The following DESI1 variants were observed in gnomAD, a reference collection of about 807,000 sequenced individuals.
DESI1 encodes PPPDE peptidase domain containing 2.
A neutral mutation model predicts 22.4 loss-of-function variants in DESI1; 17 were observed. The observed-to-expected ratio is 0.76, with a 90% CI of 0.52 to 1.14. DESI1 has a LOEUF of 1.14. Ranked by LOEUF, DESI1 falls within the 50% of genes most tolerant of loss-of-function variation. DESI1 has a pLI of 0.00. For synonymous variants in DESI1, 92 were observed against 84.2 expected (o/e 1.09, Z -0.51); for missense variants, 177 against 208.9 (o/e 0.85, Z 0.94).
intron 4 of DESI1, 100 bp downstream of exon 4, chr22:41,603,944 G>T: frequency 1.9e-6 from 2 of 1,067,906 alleles, no homozygotes; most frequent in Non-Finnish European, 1.4e-6. Flanking sequence ...CAGGCCTTGT[G>T]CTGAGTGATA....
intron 3 of DESI1, among the ~76,000 whole-genome samples, 153 bp downstream of exon 3, chr22:41,607,109 G>A (rs2067487591): frequency 6.6e-6 from 1 of 152,168 alleles, no homozygotes. Context: ...GAGAGGAACT[G>A]GCTGGGGTGT....
chr22:41,600,892 A>G lies in DESI1; in HGVS notation c.*205T>C, dbSNP rs927235710. 1.8e-6 allele frequency: 1 copy of G among 569,020 alleles called. No homozygotes were observed. Among genetic ancestry groups the G allele is most frequent in the Non-Finnish European group, 3.2e-6 (1 of 316,798 alleles). 35.2% of individuals were successfully genotyped at this position (569,020 alleles called of 1,614,324 possible). On this transcript the variant is annotated 3_prime_UTR_variant, in exon 6 of 6. Coordinates refer to ENST00000263256, the MANE Select transcript of DESI1 (RefSeq NM_015704.3). ...AAGACAGCCTTAATAAATTAGTATA[A>G]TACTATTAGAAGGGGTGGCATTTTG...
intron 1 of DESI1, among the ~76,000 whole-genome samples, chr22:41,617,873 C>T (rs1317413825): frequency 6.6e-6 from 1 of 152,148 alleles, no homozygotes; most frequent in Non-Finnish European, 1.5e-5. Context: ...GCACTTTCCC[C>T]TTCACCCACT....
rs1363417601 is a variant in DESI1 at position 41,620,886 on chromosome 22, A to C, written c.-47T>G. On this transcript the variant is annotated 5_prime_UTR_variant, in exon 1 of 6. Transcript: ENST00000263256. ...CCACGACGGCCCTCGGGCACCCGGCAGCGGCTTGGACCTTCCCGTACCCGA... is the reference window on the plus strand; with the variant it reads ...CCACGACGGCCCTCGGGCACCCGGCCGCGGCTTGGACCTTCCCGTACCCGA... 18 of 1,569,602 alleles carry C rather than the reference A, an allele frequency of 1.1e-5. No individual in the cohort carries two copies. The highest frequency in any genetic ancestry group is 1.7e-4 in the Middle Eastern group (1 of 6,000).
In DESI1 at chr22:41,616,525, A is replaced by AACACACAC. The variant is rs55785001; in HGVS notation, c.88+4219_88+4226dup. Among the ~76,000 whole-genome samples, 712 of 146,700 alleles carry AACACACAC rather than the reference A, an allele frequency of 4.9e-3. 4 individuals are homozygous for AACACACAC. The highest frequency in any genetic ancestry group is 0.021 in the South Asian group (96 of 4,566). ...ATGAAGTACTTCTTACCACAATTAA[A>AACACACAC]ACACACACACACACACACACACACA... On this transcript the variant is annotated intron_variant, in intron 1 of 5. Transcript: ENST00000263256.
chr22:41,619,563 T>C (rs138924574), intron 1 of DESI1, among the ~76,000 whole-genome samples: 1 of 152,354 alleles, frequency 6.6e-6, no homozygotes, highest in African/African-American at 2.4e-5. Context: ...CCTTGTTTTT[T>C]CTAATCTCAT....
chr22:41,611,587 CCTTCTTT>C (rs1437449001), intron 1 of DESI1, among the ~76,000 whole-genome samples: 3 of 128,864 alleles, frequency 2.3e-5, no homozygotes, highest in Non-Finnish European at 4.8e-5. Context: ...CTTACCTGTT[CCTTCTTT>C]TTTTTTTTTT....
rs79835851 is a variant in DESI1 at position 41,608,892 on chromosome 22, C to T, written c.89-1031G>A. On this transcript the variant is annotated intron_variant, in intron 1 of 5. Coordinates refer to ENST00000263256, the MANE Select transcript of DESI1 (RefSeq NM_015704.3). Reference sequence around the variant, plus strand: ...ACTCACTCCTGCTTATCACTTCACACGGCGACATGGCAGATTACTGATTGC... The same window carrying T: ...ACTCACTCCTGCTTATCACTTCACATGGCGACATGGCAGATTACTGATTGC... Among the ~76,000 whole-genome samples, 808 of 152,274 alleles carry T rather than the reference C, an allele frequency of 5.3e-3. 2 individuals are homozygous for T. The highest frequency in any genetic ancestry group is 9.0e-3 in the Non-Finnish European group (611 of 68,012).
At chr22:41,604,670 GGAA>G (rs1400918977) in intron 3 of DESI1, among the ~76,000 whole-genome samples, 4 of 151,838 alleles carry the variant, frequency 2.6e-5, no homozygotes, top group African/African-American at 9.7e-5. Flanking sequence ...GAGGCACACT[GGAA>G]GAAGAATGGT....
At chr22:41,610,200 G>A (rs2067508565) in intron 1 of DESI1, among the ~76,000 whole-genome samples, 1 of 151,558 alleles carries the variant, frequency 6.6e-6, no homozygotes, top group Non-Finnish European at 1.5e-5. Context: ...CCAACATGGT[G>A]AAACCCTGTC....
chr22:41,611,727 G>A (rs2067518757), intron 1 of DESI1, among the ~76,000 whole-genome samples: 1 of 151,426 alleles, frequency 6.6e-6, no homozygotes, highest in South Asian at 2.1e-4. Flanking sequence ...TAAGTAGCTG[G>A]GACTACAGGC....
chr22:41,609,411 G>GA (rs1230970086), intron 1 of DESI1, among the ~76,000 whole-genome samples: 1 of 152,210 alleles, frequency 6.6e-6, no homozygotes, highest in Non-Finnish European at 1.5e-5. Context: ...CACAGTATGT[G>GA]ATATACAGAT....
chr22:41,611,950 G>A (rs1011061273), intron 1 of DESI1, among the ~76,000 whole-genome samples: 3 of 152,140 alleles, frequency 2.0e-5, no homozygotes, highest in Admixed American at 6.6e-5. Flanking sequence ...ACGCTTACAA[G>A]GAGGAAGTAC....
At chr22:41,616,265 G>C (rs1337495434) in intron 1 of DESI1, among the ~76,000 whole-genome samples, 1 of 152,022 alleles carries the variant, frequency 6.6e-6, no homozygotes, top group African/African-American at 2.4e-5. Flanking sequence ...AATTCCTGGA[G>C]GACAGAGTTC....
intron 1 of DESI1, among the ~76,000 whole-genome samples, chr22:41,610,507 G>T (rs941768856): frequency 3.9e-5 from 6 of 152,160 alleles, no homozygotes; most frequent in African/African-American, 1.4e-4. Context: ...TGCTGTTAGT[G>T]TTCCCAGGCT....
intron 1 of DESI1, among the ~76,000 whole-genome samples, chr22:41,619,636 T>C (rs2067571849): frequency 6.6e-6 from 1 of 152,190 alleles, no homozygotes; most frequent in Non-Finnish European, 1.5e-5. Context: ...ATGATTTTGA[T>C]GTGAAGCCAA....
rs1230438088 is a variant in DESI1 at position 41,603,487 on chromosome 22, T to C, written c.291-106A>G. On this transcript the variant is annotated intron_variant, in intron 4 of 5. Transcript: ENST00000263256. ...TGGTGAGCACAGCTCAATGTGAGGA[T>C]TGCGATTTCCCCCGTCTCATACACC... 3.3e-6 allele frequency: 5 copies of C among 1,535,060 alleles called. No homozygotes were observed. In the African/African-American group the frequency reaches 5.5e-5, roughly 17 times the overall value.
chr22:41,610,417 TA>T (rs2067510131), intron 1 of DESI1, among the ~76,000 whole-genome samples: 1 of 152,066 alleles, frequency 6.6e-6, no homozygotes, highest in Admixed American at 6.6e-5. Flanking sequence ...TATTGGTAAG[TA>T]AAATCTAAGA....
At chr22:41,620,624 G>A in intron 1 of DESI1, 128 bp downstream of exon 1, 1 of 899,588 alleles carries the variant, frequency 1.1e-6, no homozygotes, top group Non-Finnish European at 1.7e-6. Flanking sequence ...TTCTCCACTC[G>A]GCTTTTCTTC....
Sources: allele counts gnomAD v4.1 joint callset (sites outside exome capture counted in the v4.1 genomes callset), GRCh38; gene constraint gnomAD v4.1.1; transcripts MANE v1.5; gene names NCBI Gene and HGNC (gene_info 2026-07-23, HGNC 2026-07-21).